Variants in TMOD3 observed in about 807,000 individuals in gnomAD.
The protein encoded by TMOD3 is tropomodulin-3.
Under a neutral mutation model 39.2 loss-of-function variants are expected in TMOD3, and 20 were observed. The ratio of observed to expected loss-of-function variants is 0.51; its 90% CI spans 0.36 to 0.74. The LOEUF (loss-of-function observed/expected upper bound fraction) is 0.74, where lower values mean the gene tolerates loss of function less well. Among genes scored for constraint, TMOD3 ranks in the 30% least tolerant of loss-of-function variants. The pLI is 0.00. For synonymous variants in TMOD3, 143 were observed against 145.8 expected, an observed-to-expected ratio of 0.98 and a Z score of 0.14; for missense variants, 381 against 412.8, an observed-to-expected ratio of 0.92 and a Z score of 0.67.
At chr15:51,905,264 A>C (rs1366370513) in intron 9 of TMOD3, among the ~76,000 whole-genome samples, 3 of 152,180 alleles carry the variant, frequency 2.0e-5, no homozygotes, top group Non-Finnish European at 4.4e-5. Flanking sequence ...TTGAGAGACC[A>C]AGGTGGGTGG....
chr15:51,870,982 C>T (rs1038709999), intron 3 of TMOD3, among the ~76,000 whole-genome samples: 5 of 152,124 alleles, frequency 3.3e-5, no homozygotes, highest in Non-Finnish European at 7.4e-5. Context: ...GGCCCACCCA[C>T]ATTATGGAGG....
At chr15:51,872,429 C>A (rs2056479797) in intron 3 of TMOD3, among the ~76,000 whole-genome samples, 1 of 151,794 alleles carries the variant, frequency 6.6e-6, no homozygotes, top group African/African-American at 2.4e-5. Context: ...CCACTGAAGG[C>A]CCTATCATGC....
At chr15:51,843,555 A>G (rs972759329) in intron 1 of TMOD3, among the ~76,000 whole-genome samples, 4 of 152,196 alleles carry the variant, frequency 2.6e-5, no homozygotes, top group African/African-American at 9.7e-5. Flanking sequence ...TTGCTTGTCT[A>G]GAGCCTGGTC....
chr15:51,864,161 G>A (rs528146051), intron 2 of TMOD3, among the ~76,000 whole-genome samples: 1 of 150,852 alleles, frequency 6.6e-6, no homozygotes, highest in South Asian at 2.1e-4. Context: ...GGCTACTTGG[G>A]AAGTGGAGGT....
At chr15:51,858,411 A>G (rs1208141551) in intron 1 of TMOD3, 2 of 144,998 alleles carry the variant, frequency 1.4e-5, no homozygotes, top group African/African-American at 5.1e-5. Flanking sequence ...CAGTAATGAC[A>G]ATGATAATAA....
chr15:51,899,692 GATAC>G (rs1191057440), intron 7 of TMOD3, among the ~76,000 whole-genome samples: 2 of 151,366 alleles, frequency 1.3e-5, no homozygotes, highest in Non-Finnish European at 2.9e-5. Flanking sequence ...AAGAAAAGTA[GATAC>G]AGTCATCCAT....
intron 1 of TMOD3, among the ~76,000 whole-genome samples, chr15:51,853,043 C>G (rs906325393): frequency 1.3e-5 from 2 of 151,956 alleles, no homozygotes; most frequent in Non-Finnish European, 2.9e-5. Flanking sequence ...CATGTAGCAA[C>G]CATACTCATA....
chr15:51,892,655 C>T (rs1291196849), intron 5 of TMOD3, among the ~76,000 whole-genome samples: 1 of 152,184 alleles, frequency 6.6e-6, no homozygotes, highest in Non-Finnish European at 1.5e-5. Flanking sequence ...GCAGAGTACT[C>T]CTCGTGGGAG....
At chr15:51,887,771 A>G (rs2056572625) in intron 4 of TMOD3, 60 bp downstream of exon 4, 2 of 1,602,700 alleles carry the variant, frequency 1.2e-6, no homozygotes, top group Non-Finnish European at 1.7e-6. Context: ...AAATACCAGC[A>G]CATACCTATA....
At chr15:51,885,335 G>A (rs138131042) in intron 3 of TMOD3, among the ~76,000 whole-genome samples, 2,262 of 149,128 alleles carry the variant, frequency 0.015, 84 homozygotes, top group Admixed American at 0.074. Flanking sequence ...GTGTCTCTCG[G>A]AGAGGGGGAC....
chr15:51,884,040 A>G (rs570095269), intron 3 of TMOD3, among the ~76,000 whole-genome samples: 1 of 152,316 alleles, frequency 6.6e-6, no homozygotes, highest in African/African-American at 2.4e-5. Flanking sequence ...ATCGATGGGC[A>G]TTTGTTTGGG....
At position 51,910,303 on chromosome 15, in the gene TMOD3, A is replaced by C. The variant is rs2056703557; in HGVS notation, c.*1493A>C. 6.6e-6 allele frequency: 1 copy of C among 152,270 alleles called. No homozygotes were observed. Among genetic ancestry groups the C allele is most frequent in the Admixed American group, 6.5e-5 (1 of 15,274 alleles). The allele number at this position is 152,270 out of a possible 1,614,324, so 9.4% of individuals were successfully genotyped here. On this transcript the variant is annotated 3_prime_UTR_variant, in exon 10 of 10. Coordinates refer to ENST00000308580, the MANE Select transcript of TMOD3 (RefSeq NM_014547.5). ...TTTTTAAACTTTTTGGGCCGGGCGC[A>C]GTGGCTCACGCCTGTAATCCCAGCA...
At chr15:51,854,605 A>T (rs2056378929) in intron 1 of TMOD3, among the ~76,000 whole-genome samples, 1 of 152,226 alleles carries the variant, frequency 6.6e-6, no homozygotes, top group Non-Finnish European at 1.5e-5. Context: ...GAAGAAAATA[A>T]GTGGAAATTG....
chr15:51,887,704 C>T lies in TMOD3; in HGVS notation c.399C>T (p.Asp133=). 6.2e-7 allele frequency: 1 copy of T among 1,613,450 alleles called. No homozygotes were observed. The highest frequency in any genetic ancestry group is 8.5e-7 in the Non-Finnish European group (1 of 1,179,860). ...LTSASDTELC[D]LAAILGMHNL... is the part of the protein sequence containing the mutation. ...GTGCTTCTGATACAGAATTGTGTGA[C>T]CTCGCAGGTATCACCTAAAACAAGT... Residue 133 remains aspartate, a synonymous_variant, in exon 4 of 10, where the codon GAC becomes GAT. Coordinates refer to ENST00000308580, the MANE Select transcript of TMOD3 (RefSeq NM_014547.5).
At chr15:51,894,748 G>GCAGAA (rs1328634686) in intron 6 of TMOD3, among the ~76,000 whole-genome samples, 2 of 152,176 alleles carry the variant, frequency 1.3e-5, no homozygotes, top group African/African-American at 4.8e-5. Flanking sequence ...CAGATACGCT[G>GCAGAA]CAGTTTGTTT....
At chr15:51,906,815 GT>G (rs1429377809) in intron 9 of TMOD3, among the ~76,000 whole-genome samples, 1 of 152,126 alleles carries the variant, frequency 6.6e-6, no homozygotes, top group East Asian at 1.9e-4. Context: ...GAGGTCAGGA[GT>G]TCGAGACCAG....
At chr15:51,835,958 A>G (rs1298519937) in intron 1 of TMOD3, among the ~76,000 whole-genome samples, 1 of 152,192 alleles carries the variant, frequency 6.6e-6, no homozygotes, top group East Asian at 1.9e-4. Context: ...AAGATTAGAG[A>G]TGGAGAAAAG....
Position 51,860,996 on chromosome 15 carries a change from T to C in TMOD3, c.-74-1815T>C, listed in dbSNP as rs114713493. 462 of 599,076 alleles carry C rather than the reference T, an allele frequency of 7.7e-4. 1 individual carries two copies. In the African/African-American group the frequency reaches 7.8e-3, roughly 10 times the overall value. The allele number at this position is 599,076 out of a possible 1,614,324, so 37.1% of individuals were successfully genotyped here. A position where few individuals can be genotyped will look rare whatever the true frequency, so the allele number is the denominator to read the frequency against. On this transcript the variant is annotated intron_variant, in intron 1 of 9. Coordinates refer to ENST00000308580, the MANE Select transcript of TMOD3 (RefSeq NM_014547.5). The stretch of plus-strand genomic sequence containing the variant: ...GTTGAACATCGTCTTTCCTCTTTGC[T>C]GAGGCACTTCGGAAAACACCTTGTA...
chr15:51,903,540 T>C (rs2141709721), intron 9 of TMOD3, among the ~76,000 whole-genome samples: 1 of 152,376 alleles, frequency 6.6e-6, no homozygotes, highest in Admixed American at 6.5e-5. Flanking sequence ...TCAAACTCTT[T>C]CTGTCCTTTT....
Sources: gnomAD v4.1 joint callset for allele counts (sites outside exome capture counted in the v4.1 genomes callset) on GRCh38, gnomAD v4.1.1 for gene constraint, MANE v1.5 for transcripts, NCBI Gene and HGNC (gene_info 2026-07-23, HGNC 2026-07-21) for gene names.